Variants in TP63 observed in about 807,000 individuals in gnomAD.
The protein encoded by TP63 is tumor protein 63.
A neutral mutation model predicts 82.8 loss-of-function variants in TP63; 17 were observed. The observed-to-expected ratio is 0.21, with a 90% CI of 0.14 to 0.31. The LOEUF (loss-of-function observed/expected upper bound fraction) is 0.31. Among genes scored for constraint, TP63 ranks in the 10% least tolerant of loss-of-function variants. TP63 has a pLI of 1.00. For missense variants in TP63, 648 were observed against 895.3 expected, an observed-to-expected ratio of 0.72 and a Z score of 3.52; for synonymous variants, 330 against 321.7, an observed-to-expected ratio of 1.03 and a Z score of -0.28.
intron 3 of TP63, among the ~76,000 whole-genome samples, chr3:189,796,190 G>A (rs956834917): frequency 1.3e-5 from 2 of 151,884 alleles, no homozygotes; most frequent in East Asian, 1.9e-4. Flanking sequence ...CCATTTAAAA[G>A]CCAACCCCAC....
chr3:189,752,832 C>T (rs924660917), intron 3 of TP63, among the ~76,000 whole-genome samples: 2 of 151,990 alleles, frequency 1.3e-5, no homozygotes, highest in Admixed American at 6.6e-5. Flanking sequence ...GCATACAATA[C>T]GTTTTGATAT....
At chr3:189,679,293 C>CT (rs958293858) in intron 1 of TP63, among the ~76,000 whole-genome samples, 8 of 151,806 alleles carry the variant, frequency 5.3e-5, no homozygotes, top group East Asian at 3.9e-4. Flanking sequence ...CCAGCACTTG[C>CT]TTTTTTTTGT....
At chr3:189,804,554 G>A (rs1035991700) in intron 3 of TP63, among the ~76,000 whole-genome samples, 1 of 152,166 alleles carries the variant, frequency 6.6e-6, no homozygotes, top group African/African-American at 2.4e-5. Flanking sequence ...ATAATGGCCA[G>A]CCCTTGGCTT....
At chr3:189,798,046 T>A (rs1725893797) in intron 3 of TP63, among the ~76,000 whole-genome samples, 1 of 152,030 alleles carries the variant, frequency 6.6e-6, no homozygotes, top group Admixed American at 6.6e-5. Flanking sequence ...CTGAAGACCC[T>A]GGGAGGGTAG....
chr3:189,631,489 C>A lies in TP63; in HGVS notation c.-27C>A. The A allele has an allele frequency of 6.2e-7, 1 of 1,612,090 alleles. No individual in the cohort carries two copies. The highest frequency in any genetic ancestry group is 1.1e-5 in the South Asian group (1 of 91,006). On this transcript the variant is annotated 5_prime_UTR_variant, in exon 1 of 14. The change creates a premature stop within an existing upstream ORF in the 5' untranslated region. Transcript: ENST00000264731. ...ATATTTTATATAATTGTTCTCCGTT[C>A]GTTGATATCAAAGACAGTTGAAGGA... is the stretch of plus-strand genomic sequence containing the variant.
At chr3:189,817,972 T>TATATAA (rs1483852689) in intron 4 of TP63, among the ~76,000 whole-genome samples, 4 of 151,728 alleles carry the variant, frequency 2.6e-5, no homozygotes, top group African/African-American at 4.8e-5. Context: ...CATTTAGATA[T>TATATAA]ATATAAATAT....
At chr3:189,697,287 GA>G (rs1173021196) in intron 1 of TP63, among the ~76,000 whole-genome samples, 1 of 93,990 alleles carries the variant, frequency 1.1e-5, no homozygotes, top group Non-Finnish European at 2.1e-5. Context: ...CCATTTGTTT[GA>G]AAAAAAAGTC....
rs565097879 is a variant in TP63 at position 189,849,174 on chromosome 3, C to A, written c.580-15058C>A. ...AAACTCTGCACCTCTCCCCCCATAC[C>A]ACTCCCTAGATGTCTCTTCATCTTC... On this transcript the variant is annotated intron_variant, in intron 4 of 13. Transcript: ENST00000264731. Among the ~76,000 whole-genome samples, 29 of 152,366 alleles carry A rather than the reference C, an allele frequency of 1.9e-4. No homozygotes were observed. In the East Asian group the frequency reaches 5.6e-3, roughly 29 times the overall value.
intron 1 of TP63, among the ~76,000 whole-genome samples, chr3:189,642,514 A>G (rs1711983408): frequency 6.6e-6 from 1 of 152,084 alleles, no homozygotes; most frequent in South Asian, 2.1e-4. Flanking sequence ...ACTCTGGCAA[A>G]TGTTATACCT....
chr3:189,701,644 C>T (rs1717817203), intron 1 of TP63, among the ~76,000 whole-genome samples: 1 of 150,798 alleles, frequency 6.6e-6, no homozygotes, highest in South Asian at 2.1e-4. Flanking sequence ...CATATTTATT[C>T]CAACAGAAAA....
chr3:189,894,694 C>A lies in TP63; in HGVS notation c.*192C>A. 1 of 696,906 alleles carries A rather than the reference C, an allele frequency of 1.4e-6. No individual in the cohort carries two copies. Among genetic ancestry groups the A allele is most frequent in the Non-Finnish European group, 2.3e-6 (1 of 425,630 alleles). The allele number at this position is 696,906 out of a possible 1,614,324, so 43.2% of individuals were successfully genotyped here. A position where few individuals can be genotyped will look rare whatever the true frequency, so the allele number is the denominator to read the frequency against. On this transcript the variant is annotated 3_prime_UTR_variant, in exon 14 of 14. Coordinates refer to ENST00000264731, the MANE Select transcript of TP63 (RefSeq NM_003722.5). ...ATCTAATTCTGATTCTGGCTTTAAG[C>A]CTTCAAAACTATAGCTTGCAGAACT...
chr3:189,808,062 G>C (rs1268148374), intron 3 of TP63, among the ~76,000 whole-genome samples: 1 of 152,196 alleles, frequency 6.6e-6, no homozygotes, highest in East Asian at 1.9e-4. Context: ...ATAGAGCTGA[G>C]TGATCTGGAA....
chr3:189,628,819 T>G (rs1729373935), upstream of TP63, among the ~76,000 whole-genome samples: 1 of 152,164 alleles, frequency 6.6e-6, no homozygotes, highest in African/African-American at 2.4e-5. Context: ...TATTTTTCAC[T>G]TGATCGTGTA....
chr3:189,882,378 C>T (rs146094978), intron 10 of TP63, among the ~76,000 whole-genome samples: 1 of 151,958 alleles, frequency 6.6e-6, no homozygotes, highest in East Asian at 1.9e-4. Context: ...GCCAGATAAC[C>T]CGGCTAGAGA....
At chr3:189,757,601 A>T (rs1446144680) in intron 3 of TP63, among the ~76,000 whole-genome samples, 1 of 150,304 alleles carries the variant, frequency 6.7e-6, no homozygotes, top group Non-Finnish European at 1.5e-5. Context: ...GCAATTACTG[A>T]TGCAGGACAA....
intron 3 of TP63, among the ~76,000 whole-genome samples, chr3:189,773,915 CTTTTTTTTTTTTTTTT>C (rs57761830): frequency 4.7e-4 from 34 of 72,930 alleles, no homozygotes; most frequent in Admixed American, 6.3e-4. Flanking sequence ...TGTCTCGTGC[CTTTTTTTTTTTTTTTT>C]TTTTTTTTTG....
intron 1 of TP63, among the ~76,000 whole-genome samples, chr3:189,678,815 C>T (rs1485365181): frequency 1.3e-5 from 2 of 151,950 alleles, no homozygotes; most frequent in African/African-American, 4.8e-5. Context: ...TTGTAGAGAC[C>T]TTTCACCTCC....
intron 1 of TP63, among the ~76,000 whole-genome samples, chr3:189,647,274 G>A (rs1577171167): frequency 6.8e-6 from 1 of 146,904 alleles, no homozygotes; most frequent in East Asian, 2.4e-4. Flanking sequence ...TGACTATTTT[G>A]TCATTCTAGG....
In TP63 at chr3:189,793,832, G is replaced by A. The variant is rs75742785; in HGVS notation, c.325-14440G>A. Among the ~76,000 whole-genome samples, 973 of 152,104 alleles carry A rather than the reference G, an allele frequency of 6.4e-3. 15 individuals are homozygous for A. The highest frequency in any genetic ancestry group is 0.022 in the African/African-American group (916 of 41,532). On this transcript the variant is annotated intron_variant, in intron 3 of 13. Coordinates refer to ENST00000264731, the MANE Select transcript of TP63 (RefSeq NM_003722.5). Reference sequence around the variant, plus strand: ...AAAAAATTGTTAAACCCAAGTGGGCGCTCAATTTTCTTTAGATGTATGTTG... The same window carrying A: ...AAAAAATTGTTAAACCCAAGTGGGCACTCAATTTTCTTTAGATGTATGTTG...
Sources: allele counts gnomAD v4.1 joint callset (sites outside exome capture counted in the v4.1 genomes callset), GRCh38; gene constraint gnomAD v4.1.1; transcripts MANE v1.5; gene names NCBI Gene and HGNC (gene_info 2026-07-23, HGNC 2026-07-21).